GARIN2: variants seen among roughly 807,000 people sequenced by gnomAD.
GARIN2 encodes Golgi-associated RAB2 interactor protein 2.
the GARIN2 span, chr14:67,196,715 A>T: frequency 0.19 from 29,427 of 152,036 alleles, 4,573 homozygotes; most frequent in East Asian, 0.42. Context: ...GCCAATTATG[A>T]GCTATGGACT....
the GARIN2 span, among the ~76,000 whole-genome samples, chr14:67,205,903 G>A: frequency 6.6e-6 from 1 of 152,206 alleles, no homozygotes; most frequent in Non-Finnish European, 1.5e-5. Context: ...ATAGAAAAAA[G>A]TCTGGTGCAG....
chr14:67,202,325 C>T, the GARIN2 span, among the ~76,000 whole-genome samples: 1 of 152,134 alleles, frequency 6.6e-6, no homozygotes, highest in Non-Finnish European at 1.5e-5. Context: ...CCTGTAATCC[C>T]AGCTACTTGG....
the GARIN2 span, chr14:67,204,679 G>A: frequency 6.2e-7 from 1 of 1,613,958 alleles, no homozygotes; most frequent in South Asian, 1.1e-5. Context: ...TTCTCAATGG[G>A]TGGCCCTCAT....
At chr14:67,199,220 C>T in the GARIN2 span, 2 of 1,607,424 alleles carry the variant, frequency 1.2e-6, no homozygotes, top group Non-Finnish European at 1.7e-6. Context: ...CTGGCCAGCA[C>T]CAAGGCTATG....
At chr14:67,204,743 G>C in the GARIN2 span, 1 of 1,613,912 alleles carries the variant, frequency 6.2e-7, no homozygotes, top group Non-Finnish European at 8.5e-7. Context: ...GAGGTTTCAA[G>C]TCTCTCAGGA....
At chr14:67,206,725 T>TTTA in the GARIN2 span, among the ~76,000 whole-genome samples, 1,461 of 151,294 alleles carry the variant, frequency 9.7e-3, 11 homozygotes, top group African/African-American at 0.02. Flanking sequence ...CAAGCAATAA[T>TTTA]TTATTATTAT....
the GARIN2 span, chr14:67,204,925 C>T: frequency 2.0e-5 from 33 of 1,613,594 alleles, no homozygotes; most frequent in South Asian, 3.4e-4. Flanking sequence ...CACAGATCTT[C>T]CAGAAAATGA....
At chr14:67,218,431 A>G in the GARIN2 span, among the ~76,000 whole-genome samples, 8 of 152,266 alleles carry the variant, frequency 5.3e-5, no homozygotes, top group African/African-American at 1.9e-4. Context: ...TGGCTGACTC[A>G]GGGACGTGCT....
At chr14:67,224,639 A>G in the GARIN2 span, 1 of 300,826 alleles carries the variant, frequency 3.3e-6, no homozygotes, top group Non-Finnish European at 6.5e-6. Context: ...TTTTTTTTAC[A>G]GTGAGCCCAA....
chr14:67,226,011 C>G, the GARIN2 span, among the ~76,000 whole-genome samples: 1 of 150,772 alleles, frequency 6.6e-6, no homozygotes, highest in African/African-American at 2.4e-5. Context: ...GGGCTGAGTT[C>G]ACAGTATTGA....
At chr14:67,204,951 G>C in the GARIN2 span, 2 of 1,607,192 alleles carry the variant, frequency 1.2e-6, no homozygotes, top group African/African-American at 2.7e-5. Flanking sequence ...CAGAGGTCCC[G>C]GATGTAAGAA....
the GARIN2 span, chr14:67,199,332 C>T: frequency 1.9e-6 from 3 of 1,613,602 alleles, no homozygotes; most frequent in South Asian, 3.3e-5. Flanking sequence ...AAGGCATCAG[C>T]TCACAACAAA....
the GARIN2 span, among the ~76,000 whole-genome samples, chr14:67,194,546 C>G: frequency 6.6e-6 from 1 of 152,052 alleles, no homozygotes; most frequent in Non-Finnish European, 1.5e-5. Context: ...TGCTCTGTCA[C>G]ACAGGCTAGA....
the GARIN2 span, chr14:67,227,566 A>G: frequency 6.6e-6 from 1 of 152,114 alleles, no homozygotes; most frequent in Admixed American, 6.6e-5. Flanking sequence ...TACAGACTTC[A>G]TATTATTACA....
chr14:67,225,323 C>A, the GARIN2 span: 1 of 1,220,852 alleles, frequency 8.2e-7, no homozygotes, highest in Non-Finnish European at 1.1e-6. Flanking sequence ...TACTGTCACA[C>A]AAAAAAGTTG....
At chr14:67,197,020 C>T in the GARIN2 span, 2 of 152,134 alleles carry the variant, frequency 1.3e-5, no homozygotes, top group African/African-American at 4.8e-5. Flanking sequence ...CCTCAACCTC[C>T]CAGGCTCAGG....
At chr14:67,192,078 C>T in the GARIN2 span, among the ~76,000 whole-genome samples, 1 of 152,212 alleles carries the variant, frequency 6.6e-6, no homozygotes, top group Admixed American at 6.5e-5. Context: ...AATAAAACTC[C>T]ATTCTTTGTG....
chr14:67,223,308 G>A, the GARIN2 span, among the ~76,000 whole-genome samples: 22 of 152,144 alleles, frequency 1.4e-4, no homozygotes, highest in Non-Finnish European at 2.5e-4. Flanking sequence ...CCCCCATTGG[G>A]CTTTAGTGTC....
the GARIN2 span, chr14:67,223,925 G>T: frequency 8.1e-6 from 8 of 984,932 alleles, no homozygotes; most frequent in Middle Eastern, 1.0e-3. Context: ...AATGTAATTG[G>T]AGTACAAATT....
Sources: allele counts gnomAD v4.1 joint callset (sites outside exome capture counted in the v4.1 genomes callset), GRCh38; gene constraint gnomAD v4.1.1; transcripts MANE v1.5; gene names NCBI Gene and HGNC (gene_info 2026-07-23, HGNC 2026-07-21).